Variants in MYO9A observed in about 807,000 individuals in gnomAD.
MYO9A encodes the protein myosin IXA, also known as unconventional myosin-IXa.
MYO9A carries 103 observed loss-of-function variants against 293.3 expected under a neutral mutation model. The observed-to-expected ratio is 0.35, with a 90% CI of 0.30 to 0.41. The LOEUF is 0.41. MYO9A is among the 10% of genes least tolerant of loss of function. The pLI is 1.00. For synonymous variants in MYO9A, 1,001 were observed against 1,035.7 expected, an observed-to-expected ratio of 0.97 and a Z score of 0.64; for missense variants, 2,685 against 3,033.0, an observed-to-expected ratio of 0.89 and a Z score of 2.69.
At chr15:71,904,860 A>G (rs2057585320) in intron 20 of MYO9A, 66 bp downstream of exon 20, 4 of 1,164,862 alleles carry the variant, frequency 3.4e-6, no homozygotes, top group Admixed American at 3.9e-5. Flanking sequence ...TATTCTGCTT[A>G]AAAGTATTTA....
intron 18 of MYO9A, among the ~76,000 whole-genome samples, chr15:71,920,447 T>C (rs2058127472): frequency 6.6e-6 from 1 of 152,148 alleles, no homozygotes; most frequent in African/African-American, 2.4e-5. Context: ...AGCTGCCATG[T>C]TAAAACACAT....
intron 1 of MYO9A, among the ~76,000 whole-genome samples, chr15:72,108,814 G>A (rs184562520): frequency 0.012 from 1,714 of 148,038 alleles, 55 homozygotes; most frequent in Admixed American, 0.058. Context: ...CCAGGCTGGA[G>A]GGCAATGGTG....
chr15:72,057,008 G>A (rs769539984), intron 1 of MYO9A, among the ~76,000 whole-genome samples: 74 of 152,270 alleles, frequency 4.9e-4, no homozygotes, highest in Middle Eastern at 3.4e-3. Flanking sequence ...TCAGGAGGCC[G>A]AGGCAGGAGA....
chr15:71,829,081 G>C (rs1157065059), intron 40 of MYO9A, among the ~76,000 whole-genome samples: 1 of 152,136 alleles, frequency 6.6e-6, no homozygotes, highest in Non-Finnish European at 1.5e-5. Context: ...TTTTTCTAGA[G>C]ACTCTCCCCT....
At chr15:72,020,574 T>C (rs1478839685) in intron 5 of MYO9A, among the ~76,000 whole-genome samples, 1 of 152,194 alleles carries the variant, frequency 6.6e-6, no homozygotes, top group Admixed American at 6.5e-5. Flanking sequence ...AATTAATCAT[T>C]AGTAACATTT....
intron 18 of MYO9A, among the ~76,000 whole-genome samples, chr15:71,925,256 C>CACGTGTATGT (rs1567278266): frequency 8.8e-5 from 13 of 147,980 alleles, no homozygotes; most frequent in African/African-American, 2.8e-4. Context: ...TATACGTATA[C>CACGTGTATGT]ACATATATAC....
At position 71,854,392 on chromosome 15, in the gene MYO9A, G is replaced by A; in HGVS notation, c.6331C>T (p.Gln2111Ter). Reference protein sequence around the residue: ...GSTNKIKELRQGLDTDAESVN... With the variant: ...GSTNKIKELR ...ACTATCTTACCTGTATCTAGACCCT[G>A]CCGAAGCTCCTTGATTTTATTAGTC... Residue 2111 changes from glutamine to a stop codon, truncating the protein, a stop_gained, in exon 35 of 42, where the codon CAG (glutamine) becomes TAG (stop). Coordinates refer to ENST00000356056, the MANE Select transcript of MYO9A (RefSeq NM_006901.4). LOFTEE classifies it high-confidence loss of function. The A allele has an allele frequency of 1.9e-6, 3 of 1,594,196 alleles. No homozygotes were observed. Among genetic ancestry groups the A allele is most frequent in the Non-Finnish European group, 2.6e-6 (3 of 1,171,718 alleles).
At chr15:71,836,394 T>C (rs1209309664) in intron 39 of MYO9A, among the ~76,000 whole-genome samples, 3 of 152,024 alleles carry the variant, frequency 2.0e-5, no homozygotes, top group Admixed American at 6.6e-5. Flanking sequence ...GGTGGAGCAA[T>C]TGGGAATTCC....
intron 1 of MYO9A, among the ~76,000 whole-genome samples, chr15:72,087,865 T>G (rs923221555): frequency 1.3e-5 from 2 of 152,246 alleles, no homozygotes; most frequent in African/African-American, 4.8e-5. Flanking sequence ...TGTACTGAAC[T>G]GTGCTGTTCT....
At chr15:72,051,359 G>A (rs1164630299) in intron 1 of MYO9A, among the ~76,000 whole-genome samples, 1 of 152,136 alleles carries the variant, frequency 6.6e-6, no homozygotes, top group African/African-American at 2.4e-5. Context: ...TGAGTTGACA[G>A]GGCAGGAGTT....
chr15:71,851,092 T>C (rs539588102), intron 37 of MYO9A, among the ~76,000 whole-genome samples, 161 bp downstream of exon 37: 1 of 152,332 alleles, frequency 6.6e-6, no homozygotes, highest in Non-Finnish European at 1.5e-5. Flanking sequence ...CAGCTGAATA[T>C]TTCTGCTCCA....
intron 2 of MYO9A, among the ~76,000 whole-genome samples, chr15:72,036,276 T>A (rs565305510): frequency 2.6e-5 from 4 of 152,248 alleles, no homozygotes; most frequent in South Asian, 2.1e-4. Flanking sequence ...TTTGAAAAGA[T>A]CATTGAGAGT....
At chr15:72,104,239 T>C (rs950918031) in intron 1 of MYO9A, among the ~76,000 whole-genome samples, 2 of 152,200 alleles carry the variant, frequency 1.3e-5, no homozygotes, top group African/African-American at 2.4e-5. Flanking sequence ...TCTGTCCAAC[T>C]GTAGGCTAAT....
chr15:71,830,169 G>C lies in MYO9A; in HGVS notation c.6980C>G (p.Ala2327Gly). The C allele has an allele frequency of 6.2e-7, 1 of 1,614,086 alleles. No individual in the cohort carries two copies. Among genetic ancestry groups the C allele is most frequent in the Admixed American group, 1.7e-5 (1 of 60,016 alleles). The change falls in exon 40 of 42, where the codon GCA (alanine) becomes GGA (glycine). Residue 2327 changes from alanine (A) to glycine (G), a missense_variant. Physicochemically the swap from Ala to Gly is moderately conservative, Grantham distance 60 (BLOSUM62 0). This residue lies in a region of MYO9A where 350 missense variants were observed against 328.9 expected (regional missense o/e 1.06). Coordinates refer to ENST00000356056, the MANE Select transcript of MYO9A (RefSeq NM_006901.4). Reference sequence around the variant, plus strand: ...TACTCTCTCCTCCTGCTGCATAGCTGCTTGCTGCTGTTCTGTGATGTCAGT... The same window carrying C: ...TACTCTCTCCTCCTGCTGCATAGCTCCTTGCTGCTGTTCTGTGATGTCAGT... ...METDITEQQQ[A>G]AMQQEERVLT...
intron 1 of MYO9A, among the ~76,000 whole-genome samples, chr15:72,086,697 T>C (rs2079743547): frequency 1.3e-5 from 2 of 151,632 alleles, no homozygotes; most frequent in Non-Finnish European, 2.9e-5. Context: ...TAAGCTGCAA[T>C]AGGGGAAGGG....
chr15:71,993,574 T>C (rs923042319), intron 10 of MYO9A: 1 of 152,132 alleles, frequency 6.6e-6, no homozygotes. Context: ...TAACATCCAA[T>C]GTGGGTAAAG....
Position 72,113,433 on chromosome 15 carries a change from G to C in MYO9A, c.-72+4247C>G, listed in dbSNP as rs564595177. Among the ~76,000 whole-genome samples the C allele has an allele frequency of 5.9e-5, 9 of 152,298 alleles. No individual in the cohort carries two copies. In the South Asian group the frequency reaches 1.7e-3, roughly 28 times the overall value. ...TTACCTGAGAGGAAGCCTAAAGTCA[G>C]TAAGAGTGGATTAAAGTATGTAAGG... On this transcript the variant is annotated intron_variant, in intron 1 of 41. Transcript: ENST00000356056.
intron 18 of MYO9A, among the ~76,000 whole-genome samples, chr15:71,917,100 G>A (rs1257316844): frequency 6.6e-6 from 1 of 152,208 alleles, no homozygotes; most frequent in Non-Finnish European, 1.5e-5. Context: ...ATTTTAACAT[G>A]TGACTTCTAA....
rs748264564 is a variant in MYO9A, at chr15:71,830,292, C to T, written c.6857G>A (p.Arg2286Gln). The T allele has an allele frequency of 9.3e-6, 15 of 1,613,480 alleles. No homozygotes were observed. The highest frequency in any genetic ancestry group is 2.2e-5 in the East Asian group (1 of 44,876). ...AGACGATGGACCTGGATAGTTTCCT[C>T]GACGAATACGCCCCTTTCCCTGCAG... ...RRSMGKGRIR[R>Q]GNYPGPSSPV... Residue 2286 changes from arginine to glutamine, a missense_variant, in exon 40 of 42, where the codon CGA (arginine) becomes CAA (glutamine). Transcript: ENST00000356056.
Sources: allele counts gnomAD v4.1 joint callset (sites outside exome capture counted in the v4.1 genomes callset), GRCh38; gene constraint gnomAD v4.1.1; regional missense constraint gnomAD v4.1.1; transcripts MANE v1.5; gene names NCBI Gene and HGNC (gene_info 2026-07-23, HGNC 2026-07-21).